ART3: variants seen among roughly 807,000 people sequenced by gnomAD.
ART3 encodes ecto-ADP-ribosyltransferase 3.
A neutral mutation model predicts 48.5 loss-of-function variants in ART3; 49 were observed. The ratio of observed to expected loss-of-function variants is 1.01; its 90% CI spans 0.80 to 1.28. ART3 has a LOEUF of 1.28. ART3 is among the 50% of genes most tolerant of loss of function. The probability of loss-of-function intolerance (pLI) is 0.00; values close to 1 mark genes in which losing one functional copy is unlikely to be tolerated. For synonymous variants in ART3, 145 were observed against 157.2 expected, an observed-to-expected ratio of 0.92 and a Z score of 0.58; for missense variants, 438 against 454.3, an observed-to-expected ratio of 0.96 and a Z score of 0.33.
intron 2 of ART3, among the ~76,000 whole-genome samples, chr4:76,079,506 G>T (rs1721960330): frequency 6.6e-6 from 1 of 152,164 alleles, no homozygotes; most frequent in South Asian, 2.1e-4. Flanking sequence ...GGATAGATCA[G>T]ATATATTTAG....
intron 1 of ART3, among the ~76,000 whole-genome samples, chr4:76,018,615 A>G (rs1732479445): frequency 6.6e-6 from 1 of 152,240 alleles, no homozygotes; most frequent in East Asian, 1.9e-4. Context: ...AAAAAATTCA[A>G]GAAGTATTAA....
intron 3 of ART3, among the ~76,000 whole-genome samples, chr4:76,085,350 A>G (rs1477777281): frequency 6.6e-6 from 1 of 152,176 alleles, no homozygotes; most frequent in East Asian, 1.9e-4. Flanking sequence ...CTAATGAGAC[A>G]TTGATGTCTG....
upstream of ART3, among the ~76,000 whole-genome samples, chr4:76,069,815 ATATATT>A (rs1230521137): frequency 5.3e-5 from 8 of 150,840 alleles, no homozygotes; most frequent in South Asian, 2.1e-4. Context: ...ATATTTATAG[ATATATT>A]TATATTTATA....
chr4:76,092,606 C>T (rs1457066992), intron 3 of ART3, among the ~76,000 whole-genome samples: 2 of 151,962 alleles, frequency 1.3e-5, no homozygotes, highest in African/African-American at 4.8e-5. Flanking sequence ...TATGATGTAA[C>T]TTAGTGTCAT....
rs543488728 is a variant in ART3 at position 76,014,626 on chromosome 4, G to A, written c.-10+3306G>A. Among the ~76,000 whole-genome samples the A allele has an allele frequency of 3.5e-4, 54 of 152,180 alleles. 2 individuals are homozygous for A. The highest frequency in any genetic ancestry group is 1.3e-3 in the African/African-American group (53 of 41,456). On this transcript the variant is annotated intron_variant, in intron 1 of 9. Coordinates refer to the ART3 transcript ENST00000341029. The stretch of plus-strand genomic sequence containing the variant: ...GGAGAAGAGAGAGAAAGGGACAGAA[G>A]ACTATTCACAGAAGTAATGACTGAA...
chr4:76,102,534 A>G (rs1001362121), intron 8 of ART3, among the ~76,000 whole-genome samples: 8 of 152,102 alleles, frequency 5.3e-5, no homozygotes, highest in Non-Finnish European at 7.4e-5. Flanking sequence ...TAAATAAAAT[A>G]TTACCTATAT....
At chr4:76,055,554 C>T (rs764578982) in intron 1 of ART3, among the ~76,000 whole-genome samples, 16 of 152,096 alleles carry the variant, frequency 1.1e-4, no homozygotes, top group Non-Finnish European at 1.6e-4. Flanking sequence ...TGAGATGAAA[C>T]GGGAGTGAAA....
chr4:76,097,773 C>A, intron 4 of ART3, 97 bp downstream of exon 4: 2 of 947,660 alleles, frequency 2.1e-6, no homozygotes, highest in Admixed American at 2.1e-5. Flanking sequence ...TACTGTCGTT[C>A]TGTCAAACAT....
intron 1 of ART3, among the ~76,000 whole-genome samples, chr4:76,037,219 C>T (rs1734509574): frequency 6.7e-6 from 1 of 150,016 alleles, no homozygotes; most frequent in African/African-American, 2.5e-5. Context: ...TGAGATTCTA[C>T]TTTGATGTAA....
In ART3 at chr4:76,044,230, C is replaced by T. The variant is rs542094507; in HGVS notation, c.-9-31651C>T. ...GAGATTGGTATAAGAATTTGAAAGGCGTTGTCTGATTTCAGAAGCCTTTTC... is the reference window on the plus strand; with the variant it reads ...GAGATTGGTATAAGAATTTGAAAGGTGTTGTCTGATTTCAGAAGCCTTTTC... On this transcript the variant is annotated intron_variant, in intron 1 of 9. Coordinates refer to the ART3 transcript ENST00000341029. 2.3e-3 allele frequency among the ~76,000 whole-genome samples: 346 copies of T among 152,104 alleles called. 3 individuals carry two copies. Among genetic ancestry groups the T allele is most frequent in the Non-Finnish European group, 3.6e-3 (244 of 67,950 alleles).
At chr4:76,078,486 G>A (rs979359148) in intron 2 of ART3, among the ~76,000 whole-genome samples, 1 of 152,056 alleles carries the variant, frequency 6.6e-6, no homozygotes, top group Non-Finnish European at 1.5e-5. Context: ...GCTATGAGAT[G>A]GCAGTGATTT....
chr4:76,023,789 TCTAA>T (rs984616766), intron 1 of ART3, among the ~76,000 whole-genome samples: 2 of 152,226 alleles, frequency 1.3e-5, no homozygotes, highest in African/African-American at 4.8e-5. Flanking sequence ...TGCAATCCAT[TCTAA>T]CTATAATGCT....
intron 1 of ART3, among the ~76,000 whole-genome samples, chr4:76,049,884 G>C (rs537153923): frequency 1.3e-5 from 2 of 151,880 alleles, no homozygotes; most frequent in African/African-American, 2.4e-5. Context: ...AAGGTGGCGC[G>C]TCTGGAGTTT....
At chr4:76,024,354 G>A (rs893891562) in intron 1 of ART3, among the ~76,000 whole-genome samples, 2 of 152,086 alleles carry the variant, frequency 1.3e-5, no homozygotes, top group Admixed American at 6.6e-5. Context: ...AAGGGAAACA[G>A]GTTGATTTAC....
In ART3 at chr4:76,029,365, A is replaced by G. The variant is rs374830218; in HGVS notation, c.-10+18045A>G. 1.1e-3 allele frequency among the ~76,000 whole-genome samples: 171 copies of G among 152,372 alleles called. 4 individuals carry two copies. The South Asian group carries it at 0.034, about 30-fold the overall frequency. On this transcript the variant is annotated intron_variant, in intron 1 of 9. Coordinates refer to the ART3 transcript ENST00000341029. ...TAGTAGCAGTTTATTGAGCAGCACT[A>G]AGGAACTATGAATACATCTGTACTT... is the stretch of plus-strand genomic sequence containing the variant.
intron 1 of ART3, 69 bp from the exon 2 acceptor site, chr4:76,075,812 C>A (rs1720911913): frequency 8.5e-7 from 1 of 1,176,778 alleles, no homozygotes; most frequent in Non-Finnish European, 1.2e-6. Flanking sequence ...TACGCAGTGT[C>A]ATCCTATTCT....
intron 11 of ART3, 101 bp downstream of exon 11, chr4:76,107,894 G>T: frequency 2.1e-6 from 2 of 954,422 alleles, no homozygotes; most frequent in Non-Finnish European, 3.1e-6. Context: ...AAAGTTGCAA[G>T]GTTTTAAGGC....
intron 1 of ART3, among the ~76,000 whole-genome samples, chr4:76,011,742 G>T (rs749824847): frequency 3.3e-5 from 5 of 152,224 alleles, no homozygotes; most frequent in African/African-American, 4.8e-5. Context: ...GTAGGGTAGG[G>T]CCCCGCCCCT....
At chr4:76,070,165 A>C (rs544073996), upstream of ART3, among the ~76,000 whole-genome samples, 1 of 25,192 alleles carries the variant, frequency 4.0e-5, no homozygotes. Context: ...AATTTCTTTT[A>C]AGTATAATGA....
Sources: gnomAD v4.1 joint callset for allele counts (sites outside exome capture counted in the v4.1 genomes callset) on GRCh38, gnomAD v4.1.1 for gene constraint, MANE v1.5 for transcripts, NCBI Gene and HGNC (gene_info 2026-07-23, HGNC 2026-07-21) for gene names.